Variants in SLC35F4 observed in about 807,000 individuals in gnomAD.
SLC35F4 encodes the protein solute carrier family 35 member F4, also known as chromosome 14 open reading frame 36.
Under a neutral mutation model 44.2 loss-of-function variants are expected in SLC35F4, and 24 were observed. The ratio of observed to expected loss-of-function variants is 0.54; its 90% CI spans 0.39 to 0.76. The LOEUF (loss-of-function observed/expected upper bound fraction) is 0.76, where lower values mean the gene tolerates loss of function less well. SLC35F4 is among the 30% of genes least tolerant of loss of function. SLC35F4 has a pLI of 0.00. For synonymous variants in SLC35F4, 238 were observed against 223.6 expected (o/e 1.06, Z -0.57); for missense variants, 562 against 586.1 (o/e 0.96, Z 0.42).
chr14:57,778,277 T>C (rs2077539130), intron 1 of SLC35F4, among the ~76,000 whole-genome samples: 1 of 152,088 alleles, frequency 6.6e-6, no homozygotes, highest in Non-Finnish European at 1.5e-5. Flanking sequence ...TTGCCCAGTC[T>C]TGGGTATGTC....
At chr14:57,740,353 C>T (rs899174184) in intron 1 of SLC35F4, among the ~76,000 whole-genome samples, 5 of 152,158 alleles carry the variant, frequency 3.3e-5, no homozygotes, top group Admixed American at 3.3e-4. Context: ...GGGTAAGTTA[C>T]TTAATTGTAT....
At chr14:57,746,592 G>C (rs556029448) in intron 1 of SLC35F4, among the ~76,000 whole-genome samples, 1 of 152,122 alleles carries the variant, frequency 6.6e-6, no homozygotes, top group South Asian at 2.1e-4. Context: ...AGGGATATCA[G>C]TATGTAATTG....
At chr14:57,580,606 T>TA (rs1253515068) in intron 4 of SLC35F4, 2 of 278,988 alleles carry the variant, frequency 7.2e-6, no homozygotes, top group African/African-American at 4.5e-5. Flanking sequence ...CTGAAAGGAA[T>TA]AAACTCAGAA....
At chr14:57,788,868 C>T (rs758856689) in intron 1 of SLC35F4, among the ~76,000 whole-genome samples, 12 of 152,072 alleles carry the variant, frequency 7.9e-5, no homozygotes, top group Admixed American at 4.6e-4. Flanking sequence ...CACTCAAAAC[C>T]GCACAACTAC....
At chr14:57,740,847 C>A (rs2076588068) in intron 1 of SLC35F4, among the ~76,000 whole-genome samples, 1 of 152,162 alleles carries the variant, frequency 6.6e-6, no homozygotes, top group Non-Finnish European at 1.5e-5. Flanking sequence ...GTTCCTGACC[C>A]CCAAGTAGCC....
chr14:57,869,735 T>A (rs1744934954), upstream of SLC35F4, among the ~76,000 whole-genome samples: 2 of 152,244 alleles, frequency 1.3e-5, no homozygotes, highest in Non-Finnish European at 2.9e-5. Context: ...ACAGTGTTAG[T>A]GTTTAAAAGC....
At chr14:57,796,785 A>G (rs1449332010) in intron 1 of SLC35F4, among the ~76,000 whole-genome samples, 1 of 152,198 alleles carries the variant, frequency 6.6e-6, no homozygotes. Context: ...CAAGCTAAGG[A>G]GTTCACATGA....
intron 1 of SLC35F4, among the ~76,000 whole-genome samples, chr14:57,672,574 A>G (rs1020131791): frequency 4.0e-4 from 61 of 152,252 alleles, no homozygotes; most frequent in African/African-American, 1.4e-3. Context: ...TACTACCGCT[A>G]TATGATTATA....
chr14:57,778,550 T>C (rs932604102), intron 1 of SLC35F4, among the ~76,000 whole-genome samples: 1 of 151,650 alleles, frequency 6.6e-6, no homozygotes, highest in Non-Finnish European at 1.5e-5. Context: ...CAATACCCAC[T>C]GACAATATTA....
intron 1 of SLC35F4, among the ~76,000 whole-genome samples, chr14:57,967,256 AAATAC>A (rs1224697889): frequency 2.0e-5 from 3 of 152,210 alleles, no homozygotes; most frequent in Non-Finnish European, 4.4e-5. Flanking sequence ...ATAAATAAAT[AAATAC>A]ATCATATAAA....
At chr14:57,690,553 A>C (rs1242199858) in intron 1 of SLC35F4, among the ~76,000 whole-genome samples, 1 of 152,040 alleles carries the variant, frequency 6.6e-6, no homozygotes. Context: ...GGTGGTGATG[A>C]GGGATGGTTT....
At chr14:57,804,002 A>G (rs893014960) in intron 1 of SLC35F4, among the ~76,000 whole-genome samples, 1 of 152,156 alleles carries the variant, frequency 6.6e-6, no homozygotes, top group Non-Finnish European at 1.5e-5. Context: ...CAAATCATTA[A>G]TGAACTCCCA....
chr14:57,919,137 G>A (rs1295815291), intron 1 of SLC35F4, among the ~76,000 whole-genome samples: 1 of 152,156 alleles, frequency 6.6e-6, no homozygotes, highest in East Asian at 1.9e-4. Flanking sequence ...GAGATGGAAG[G>A]AGCTCAAGAG....
chr14:57,591,139 ACT>A (rs1489755783), intron 2 of SLC35F4, among the ~76,000 whole-genome samples: 2 of 152,150 alleles, frequency 1.3e-5, no homozygotes, highest in Admixed American at 6.5e-5. Flanking sequence ...TCTTATGGAG[ACT>A]CTACCAGGCG....
At chr14:57,837,235 T>C (rs985756659) in intron 1 of SLC35F4, 6 of 152,184 alleles carry the variant, frequency 3.9e-5, no homozygotes, top group African/African-American at 1.4e-4. Flanking sequence ...GGAATATCTG[T>C]CCCACACTTC....
chr14:57,852,001 A>G (rs1371721284), intron 1 of SLC35F4, among the ~76,000 whole-genome samples: 1 of 152,212 alleles, frequency 6.6e-6, no homozygotes, highest in African/African-American at 2.4e-5. Context: ...TCCAGCCAAT[A>G]TTTATGGAGT....
At chr14:57,662,922 C>T (rs2140241571) in intron 1 of SLC35F4, among the ~76,000 whole-genome samples, 1 of 152,276 alleles carries the variant, frequency 6.6e-6, no homozygotes, top group Admixed American at 6.5e-5. Flanking sequence ...AGAGGTCACT[C>T]CCCTGGACTA....
chr14:57,895,772 T>C (rs1288026123), intron 1 of SLC35F4, among the ~76,000 whole-genome samples: 1 of 151,456 alleles, frequency 6.6e-6, no homozygotes, highest in Non-Finnish European at 1.5e-5. Flanking sequence ...TTACCCAGTC[T>C]TGGGTAGTTC....
intron 1 of SLC35F4, among the ~76,000 whole-genome samples, chr14:57,629,659 A>G (rs999265752): frequency 2.6e-5 from 4 of 152,168 alleles, no homozygotes; most frequent in African/African-American, 9.6e-5. Flanking sequence ...TGGAATGGTC[A>G]CAGAAATTAT....
Sources: gnomAD v4.1 joint callset for allele counts (sites outside exome capture counted in the v4.1 genomes callset) on GRCh38, gnomAD v4.1.1 for gene constraint, MANE v1.5 for transcripts, NCBI Gene and HGNC (gene_info 2026-07-23, HGNC 2026-07-21) for gene names.